The following IMMP2L variants were observed in gnomAD, a reference collection of about 807,000 sequenced individuals.
The protein encoded by IMMP2L is inner mitochondrial membrane peptidase subunit 2, also known as mitochondrial inner membrane protease subunit 2.
IMMP2L carries 18 observed loss-of-function variants against 19.3 expected under a neutral mutation model. The observed-to-expected ratio is 0.93, with a 90% CI of 0.64 to 1.38. The LOEUF is 1.38. Ranked by LOEUF, IMMP2L falls within the 40% of genes most tolerant of loss-of-function variation. The pLI is 0.00. For synonymous variants in IMMP2L, 76 were observed against 73.0 expected, an observed-to-expected ratio of 1.04 and a Z score of -0.21; for missense variants, 233 against 218.2, an observed-to-expected ratio of 1.07 and a Z score of -0.43.
rs572453480 is a variant in IMMP2L at position 111,510,354 on chromosome 7, C to A, written c.135+10959G>T. Among the ~76,000 whole-genome samples, 25 of 152,150 alleles carry A rather than the reference C, an allele frequency of 1.6e-4. No homozygotes were observed. The South Asian group carries it at 5.0e-3, about 30-fold the overall frequency. ...TGCGGCATCGTGTCCTCAACTGGAT[C>A]CTCTGCTGTATTGTATTATATACAT... On this transcript the variant is annotated intron_variant, in intron 2 of 5. Coordinates refer to ENST00000405709, the MANE Select transcript of IMMP2L (RefSeq NM_032549.4).
At chr7:111,402,450 C>T (rs945954669) in intron 3 of IMMP2L, among the ~76,000 whole-genome samples, 1 of 152,072 alleles carries the variant, frequency 6.6e-6, no homozygotes, top group Non-Finnish European at 1.5e-5. Flanking sequence ...GTGGCTCACG[C>T]ATGCAATCCC....
chr7:110,899,730 C>A (rs952584576), intron 4 of IMMP2L, among the ~76,000 whole-genome samples: 1 of 152,138 alleles, frequency 6.6e-6, no homozygotes, highest in Non-Finnish European at 1.5e-5. Flanking sequence ...TGGCAGGGTG[C>A]TAACCTATGA....
chr7:111,085,137 G>A (rs1352852087), intron 3 of IMMP2L, among the ~76,000 whole-genome samples: 1 of 151,814 alleles, frequency 6.6e-6, no homozygotes, highest in Non-Finnish European at 1.5e-5. Flanking sequence ...AAGAGACAGA[G>A]AAAAAAATTT....
At chr7:111,545,145 A>C (rs1282049501) in intron 1 of IMMP2L, among the ~76,000 whole-genome samples, 1 of 151,942 alleles carries the variant, frequency 6.6e-6, no homozygotes, top group African/African-American at 2.4e-5. Context: ...TTAAATATTA[A>C]TTTTTTTTAA....
intron 3 of IMMP2L, among the ~76,000 whole-genome samples, chr7:111,402,993 C>G (rs1413298258): frequency 2.4e-5 from 2 of 84,036 alleles, no homozygotes; most frequent in Non-Finnish European, 2.4e-5. Flanking sequence ...CAGCCTTGAC[C>G]CCCCCCCCCC....
chr7:111,509,566 A>C (rs1845255653), intron 2 of IMMP2L, among the ~76,000 whole-genome samples: 1 of 152,210 alleles, frequency 6.6e-6, no homozygotes, highest in South Asian at 2.1e-4. Flanking sequence ...CATCAATTTA[A>C]TAGGTTATGA....
intron 3 of IMMP2L, among the ~76,000 whole-genome samples, chr7:111,212,108 T>C (rs1196736302): frequency 6.6e-6 from 1 of 152,150 alleles, no homozygotes; most frequent in Non-Finnish European, 1.5e-5. Flanking sequence ...TATTGCCATT[T>C]TGACAGTCTT....
intron 3 of IMMP2L, among the ~76,000 whole-genome samples, chr7:111,326,512 T>C (rs1195659029): frequency 1.3e-5 from 2 of 151,812 alleles, no homozygotes; most frequent in Non-Finnish European, 2.9e-5. Context: ...GCTGCTAACA[T>C]ATTCCTCATT....
intron 3 of IMMP2L, among the ~76,000 whole-genome samples, chr7:111,226,550 A>G (rs1334877324): frequency 3.3e-5 from 5 of 152,094 alleles, no homozygotes; most frequent in African/African-American, 1.2e-4. Context: ...TCTGAGAGCT[A>G]GCAACAGGTC....
At chr7:110,983,024 A>G (rs879266133) in intron 3 of IMMP2L, among the ~76,000 whole-genome samples, 17 of 152,214 alleles carry the variant, frequency 1.1e-4, no homozygotes, top group Middle Eastern at 3.4e-3. Flanking sequence ...ATCATTAAAT[A>G]TCCCACTTAT....
intron 3 of IMMP2L, among the ~76,000 whole-genome samples, chr7:111,210,113 T>C (rs1811155337): frequency 6.6e-6 from 1 of 152,158 alleles, no homozygotes; most frequent in African/African-American, 2.4e-5. Context: ...CCTTTCCAAA[T>C]AGCTCCATTT....
chr7:111,282,920 T>C (rs573647679), intron 3 of IMMP2L, among the ~76,000 whole-genome samples: 1 of 152,248 alleles, frequency 6.6e-6, no homozygotes, highest in South Asian at 2.1e-4. Flanking sequence ...AACCACTAAC[T>C]AGACAGAAGA....
At chr7:111,412,837 T>A (rs908161754) in intron 3 of IMMP2L, among the ~76,000 whole-genome samples, 3 of 151,730 alleles carry the variant, frequency 2.0e-5, no homozygotes, top group East Asian at 1.9e-4. Flanking sequence ...ATTTTTTTTT[T>A]AAATAAACTT....
intron 3 of IMMP2L, among the ~76,000 whole-genome samples, chr7:111,153,433 G>A (rs928954924): frequency 6.6e-6 from 1 of 151,930 alleles, no homozygotes; most frequent in Non-Finnish European, 1.5e-5. Flanking sequence ...GTTAATAGGG[G>A]TAATCTTAAC....
intron 3 of IMMP2L, among the ~76,000 whole-genome samples, chr7:111,277,778 T>C (rs915161180): frequency 2.6e-5 from 4 of 152,252 alleles, no homozygotes; most frequent in Non-Finnish European, 5.9e-5. Context: ...ATGGTAACTG[T>C]AATTTGTGTG....
intron 3 of IMMP2L, among the ~76,000 whole-genome samples, chr7:110,965,673 T>C (rs1285513912): frequency 3.9e-5 from 6 of 151,986 alleles, no homozygotes. Context: ...GCCCCTCCCA[T>C]GTCTCCTATT....
intron 3 of IMMP2L, among the ~76,000 whole-genome samples, chr7:111,454,586 T>G (rs985905399): frequency 6.6e-6 from 1 of 151,998 alleles, no homozygotes; most frequent in Non-Finnish European, 1.5e-5. Flanking sequence ...TCAAAAAAAA[T>G]TACTAAAAAA....
chr7:111,016,556 T>C (rs1825592866), intron 3 of IMMP2L, among the ~76,000 whole-genome samples: 1 of 118,406 alleles, frequency 8.4e-6, no homozygotes, highest in African/African-American at 3.4e-5. Flanking sequence ...ATATAGTATA[T>C]ATAATATATA....
chr7:111,459,857 T>TAAGA (rs1839988495), intron 3 of IMMP2L, among the ~76,000 whole-genome samples: 1 of 152,124 alleles, frequency 6.6e-6, no homozygotes, highest in South Asian at 2.1e-4. Context: ...CTGTCATTCC[T>TAAGA]AAGAAAGAAT....
Sources: allele counts gnomAD v4.1 joint callset (sites outside exome capture counted in the v4.1 genomes callset), GRCh38; gene constraint gnomAD v4.1.1; transcripts MANE v1.5; gene names NCBI Gene and HGNC (gene_info 2026-07-23, HGNC 2026-07-21).